Variants in PDE1C observed in about 807,000 individuals in gnomAD.
PDE1C encodes the protein phosphodiesterase 1C.
A neutral mutation model predicts 93.1 loss-of-function variants in PDE1C; 62 were observed. That is an observed-to-expected ratio of 0.67 (90% confidence interval 0.54 to 0.82). The LOEUF is 0.82. Among genes scored for constraint, PDE1C ranks in the 40% least tolerant of loss-of-function variants. The pLI, the probability that PDE1C is intolerant of heterozygous loss-of-function variation, is 0.00. For synonymous variants in PDE1C, 325 were observed against 310.1 expected (o/e 1.05, Z -0.50); for missense variants, 742 against 884.6 (o/e 0.84, Z 2.04).
intron 6 of PDE1C, among the ~76,000 whole-genome samples, chr7:31,871,797 C>A (rs1245409825): frequency 2.0e-5 from 3 of 150,952 alleles, no homozygotes; most frequent in Non-Finnish European, 4.4e-5. Context: ...AAACAGTGTG[C>A]GGATTTCTCA....
At chr7:32,370,857 T>C (rs978546316) in intron 1 of PDE1C, among the ~76,000 whole-genome samples, 1 of 151,604 alleles carries the variant, frequency 6.6e-6, no homozygotes, top group Non-Finnish European at 1.5e-5. Context: ...ATAAAGAAAA[T>C]GTGATATATA....
chr7:31,700,634 G>C, the PDE1C span, among the ~76,000 whole-genome samples: 1 of 152,134 alleles, frequency 6.6e-6, no homozygotes, highest in East Asian at 1.9e-4. Flanking sequence ...TGCCATCTAG[G>C]CCATTCATAG....
At chr7:32,087,965 A>C (rs1348514539) in intron 3 of PDE1C, among the ~76,000 whole-genome samples, 3 of 152,026 alleles carry the variant, frequency 2.0e-5, no homozygotes, top group African/African-American at 7.2e-5. Context: ...ACAAACCTGC[A>C]CATTGTGCAC....
At chr7:32,160,692 A>C (rs2128797625) in intron 3 of PDE1C, among the ~76,000 whole-genome samples, 1 of 152,196 alleles carries the variant, frequency 6.6e-6, no homozygotes, top group African/African-American at 2.4e-5. Flanking sequence ...AAATACAAAA[A>C]TTAGCTGGGC....
chr7:32,261,588 T>C (rs1194185112), intron 1 of PDE1C, among the ~76,000 whole-genome samples: 2 of 152,192 alleles, frequency 1.3e-5, no homozygotes, highest in Non-Finnish European at 2.9e-5. Context: ...GGTGAAACCA[T>C]TGGGATTTAC....
intron 2 of PDE1C, among the ~76,000 whole-genome samples, chr7:32,198,772 T>C (rs568961742): frequency 6.6e-6 from 1 of 152,326 alleles, no homozygotes; most frequent in South Asian, 2.1e-4. Context: ...TAACTGTTTT[T>C]GGATATGGGG....
At chr7:31,936,464 C>T (rs1026954194) in intron 2 of PDE1C, among the ~76,000 whole-genome samples, 1 of 151,248 alleles carries the variant, frequency 6.6e-6, no homozygotes, top group Non-Finnish European at 1.5e-5. Flanking sequence ...AAAGTTATAA[C>T]ACCTCATTTA....
chr7:32,135,519 T>C (rs1228709515), intron 3 of PDE1C, among the ~76,000 whole-genome samples: 2 of 152,150 alleles, frequency 1.3e-5, no homozygotes, highest in East Asian at 1.9e-4. Flanking sequence ...GTATAAAAAC[T>C]GGTGTTCAAC....
chr7:32,076,294 GTTATC>G (rs1796350933), upstream of PDE1C, among the ~76,000 whole-genome samples: 1 of 152,112 alleles, frequency 6.6e-6, no homozygotes, highest in African/African-American at 2.4e-5. Context: ...ATGGCTTGAA[GTTATC>G]TTAGCCATGG....
intron 1 of PDE1C, among the ~76,000 whole-genome samples, chr7:32,421,278 C>T (rs951200987): frequency 6.6e-6 from 1 of 152,212 alleles, no homozygotes; most frequent in South Asian, 2.1e-4. Context: ...GGCCTTCAGC[C>T]TCTCTCTCAT....
At chr7:32,128,906 A>AATATATATATATATAT (rs763801947) in intron 3 of PDE1C, among the ~76,000 whole-genome samples, 10 of 56,004 alleles carry the variant, frequency 1.8e-4, no homozygotes, top group Non-Finnish European at 2.6e-4. Flanking sequence ...AAGTATAACA[A>AATATATATATATATAT]ATATATATAT....
At chr7:32,247,579 C>A (rs1000608470) in intron 1 of PDE1C, among the ~76,000 whole-genome samples, 3 of 152,178 alleles carry the variant, frequency 2.0e-5, no homozygotes, top group African/African-American at 7.2e-5. Context: ...GTTCGACTTA[C>A]AATTTTTCAA....
chr7:31,998,262 T>TG (rs1563166163), intron 2 of PDE1C, among the ~76,000 whole-genome samples: 8 of 152,166 alleles, frequency 5.3e-5, no homozygotes, highest in East Asian at 1.9e-4. Context: ...CTCGTGATTC[T>TG]CCCGCCTTGG....
the PDE1C span, among the ~76,000 whole-genome samples, chr7:31,732,187 T>C: frequency 6.6e-5 from 10 of 152,224 alleles, no homozygotes; most frequent in African/African-American, 2.4e-4. Flanking sequence ...TTTTCTGCCA[T>C]TCATTTGTTC....
chr7:31,659,042 A>G, the PDE1C span, among the ~76,000 whole-genome samples: 113 of 152,322 alleles, frequency 7.4e-4, 2 homozygotes, highest in Middle Eastern at 6.8e-3. Context: ...GTCACAAGGT[A>G]TCTACATTTT....
chr7:31,832,971 T>C (rs969509489), intron 11 of PDE1C, among the ~76,000 whole-genome samples: 2 of 152,216 alleles, frequency 1.3e-5, no homozygotes, highest in Admixed American at 1.3e-4. Flanking sequence ...GGGTTTGTTA[T>C]GGTTTGGCTG....
Position 32,147,300 on chromosome 7 carries a change from G to GAAAGAAAGAAAGAAAGAAA in PDE1C, c.308+22466_308+22484dup, listed in dbSNP as rs1563352787. Among the ~76,000 whole-genome samples the GAAAGAAAGAAAGAAAGAAA allele has an allele frequency of 5.2e-3, 723 of 137,776 alleles. 16 individuals carry two copies. The highest frequency in any genetic ancestry group is 7.0e-3 in the Non-Finnish European group (447 of 63,978). The allele number at this position is 137,776 out of a possible 152,430, so 90.4% of individuals were successfully genotyped here. On this transcript the variant is annotated intron_variant, in intron 3 of 18. Transcript: ENST00000396193. ...AGAAAGAAAGAAAGAAAGAAAGAAA[G>GAAAGAAAGAAAGAAAGAAA]AAAGAAAGAAAGAAAGAAAGAAAGA...
At chr7:31,795,883 T>C (rs114836460) in intron 16 of PDE1C, among the ~76,000 whole-genome samples, 133 of 151,804 alleles carry the variant, frequency 8.8e-4, no homozygotes, top group African/African-American at 2.7e-3. Flanking sequence ...ATAACTCTCA[T>C]GGTTGGGTCA....
chr7:32,052,979 T>C lies in PDE1C; in HGVS notation c.102-1399A>G, dbSNP rs530659928. ...TAAAATATGGATACACCTAGTTACATATAAAGGTATATACAAATATAGGAC... is the reference window on the plus strand; with the variant it reads ...TAAAATATGGATACACCTAGTTACACATAAAGGTATATACAAATATAGGAC... On this transcript the variant is annotated intron_variant, in intron 1 of 17. Coordinates refer to ENST00000396191, the MANE Select transcript of PDE1C (RefSeq NM_001191057.4). Among the ~76,000 whole-genome samples, 5 of 152,288 alleles carry C rather than the reference T, an allele frequency of 3.3e-5. No homozygotes were observed. The South Asian group carries it at 6.2e-4, about 19-fold the overall frequency.
Sources: gnomAD v4.1 joint callset for allele counts (sites outside exome capture counted in the v4.1 genomes callset) on GRCh38, gnomAD v4.1.1 for gene constraint, MANE v1.5 for transcripts, NCBI Gene and HGNC (gene_info 2026-07-23, HGNC 2026-07-21) for gene names.